The following PPP6R2 variants were observed in gnomAD, a reference collection of about 807,000 sequenced individuals.
PPP6R2 encodes serine/threonine-protein phosphatase 6 regulatory subunit 2.
A neutral mutation model predicts 100.2 loss-of-function variants in PPP6R2; 62 were observed. The observed-to-expected ratio is 0.62, with a 90% CI of 0.50 to 0.76. The LOEUF is 0.76. Among genes scored for constraint, PPP6R2 ranks in the 30% least tolerant of loss-of-function variants. The pLI is 0.00. For synonymous variants in PPP6R2, 525 were observed against 514.7 expected, an observed-to-expected ratio of 1.02 and a Z score of -0.27; for missense variants, 1,142 against 1,276.3, an observed-to-expected ratio of 0.89 and a Z score of 1.60.
chr22:50,435,156 A>C (rs2063952488), intron 13 of PPP6R2, 75 bp downstream of exon 13: 1 of 1,259,566 alleles, frequency 7.9e-7, no homozygotes, highest in Non-Finnish European at 1.1e-6. Context: ...CCTGAGACTA[A>C]GCTCTGCCCG....
At chr22:50,389,786 A>C (rs902400366) in intron 2 of PPP6R2, among the ~76,000 whole-genome samples, 1 of 151,456 alleles carries the variant, frequency 6.6e-6, no homozygotes, top group Non-Finnish European at 1.5e-5. Flanking sequence ...TGTGGTAGAG[A>C]TGGGGTTGGC....
chr22:50,421,371 C>T lies in PPP6R2; in HGVS notation c.846-883C>T, dbSNP rs566775037. Among the ~76,000 whole-genome samples the T allele has an allele frequency of 7.9e-5, 12 of 152,238 alleles. No homozygotes were observed. In the East Asian group the frequency reaches 2.1e-3, roughly 27 times the overall value. On this transcript the variant is annotated intron_variant, in intron 8 of 23. Transcript: ENST00000612753. ...TATTATTATTATTTTCAGACAGTGT[C>T]TTGCTCTGTCACCCACGTGGGAGTA...
In PPP6R2 at chr22:50,443,740, TGA is replaced by T. The variant is rs1002693122; in HGVS notation, c.2580-122_2580-121del. On this transcript the variant is annotated intron_variant, in intron 22 of 23. Transcript: ENST00000612753. Reference sequence around the variant, plus strand: ...TGGGCCACCCCACAAAGGGCAGGAGTGAGAGGGGCCAAAGATGGTGCTCCCAG... The same window carrying T: ...TGGGCCACCCCACAAAGGGCAGGAGTGAGGGGCCAAAGATGGTGCTCCCAG... The T allele has an allele frequency of 7.2e-5, 97 of 1,339,022 alleles. No homozygotes were observed. The African/African-American group carries it at 9.5e-4, about 13-fold the overall frequency. The allele number at this position is 1,339,022 out of a possible 1,614,324, so 82.9% of individuals were successfully genotyped here. A position where few individuals can be genotyped will look rare whatever the true frequency, so the allele number is the denominator to read the frequency against.
At chr22:50,367,193 C>G (rs527242418) in intron 1 of PPP6R2, among the ~76,000 whole-genome samples, 17 of 152,036 alleles carry the variant, frequency 1.1e-4, no homozygotes, top group Non-Finnish European at 2.4e-4. Context: ...GATGCCTGGA[C>G]AGGGGAGCGG....
rs199754017 is a variant in PPP6R2 at position 50,440,838 on chromosome 22, A to T, written c.2391A>T (p.Pro797=). 3 of 1,613,432 alleles carry T rather than the reference A, an allele frequency of 1.9e-6. No individual in the cohort carries two copies. Among genetic ancestry groups the T allele is most frequent in the Non-Finnish European group, 2.5e-6 (3 of 1,179,994 alleles). ...ACTTTGCAGTCAGCCCGGCTTCTCC[A>T]TGTGCCTGGAACGTGTGTGTCACCA... ...GPEKAFSPAS[P]CAWNVCVTRK... The change falls in exon 22 of 24, where the codon CCA becomes CCT. Residue 797 remains proline (P), a synonymous_variant. Coordinates refer to ENST00000612753, the MANE Select transcript of PPP6R2 (RefSeq NM_001242898.2).
intron 1 of PPP6R2, among the ~76,000 whole-genome samples, chr22:50,351,283 G>A (rs76220553): frequency 0.016 from 8 of 502 alleles, no homozygotes; most frequent in African/African-American, 0.026. Context: ...CAAGTGATCC[G>A]CCCGCCTTGG....
chr22:50,369,076 TA>T (rs1289995516), intron 1 of PPP6R2, among the ~76,000 whole-genome samples: 2 of 151,952 alleles, frequency 1.3e-5, no homozygotes, highest in Non-Finnish European at 2.9e-5. Flanking sequence ...CTGTCTCTAC[TA>T]AAAATACAAA....
chr22:50,424,886 C>T (rs773173088), intron 10 of PPP6R2, among the ~76,000 whole-genome samples: 35 of 152,092 alleles, frequency 2.3e-4, no homozygotes, highest in Admixed American at 4.6e-4. Context: ...GTGATCCACC[C>T]GCCTTGGCCT....
At chr22:50,436,546 G>T (rs1477790768) in intron 14 of PPP6R2, 94 bp downstream of exon 14, 31 of 1,269,908 alleles carry the variant, frequency 2.4e-5, no homozygotes, top group Non-Finnish European at 3.3e-5. Flanking sequence ...GGCCAAGGGA[G>T]GCACAAGGGC....
chr22:50,349,302 T>C (rs1322473728), intron 1 of PPP6R2, among the ~76,000 whole-genome samples: 3 of 141,638 alleles, frequency 2.1e-5, no homozygotes, highest in Middle Eastern at 3.8e-3. Flanking sequence ...AGGTCAAGGC[T>C]GCAGTGAGCT....
chr22:50,396,976 G>C (rs183500031), intron 3 of PPP6R2, among the ~76,000 whole-genome samples: 1 of 152,184 alleles, frequency 6.6e-6, no homozygotes, highest in Non-Finnish European at 1.5e-5. Context: ...GCCCAGTCTG[G>C]TGACAAATTA....
At chr22:50,412,394 C>G (rs1228565866) in intron 4 of PPP6R2, among the ~76,000 whole-genome samples, 1 of 151,638 alleles carries the variant, frequency 6.6e-6, no homozygotes, top group Admixed American at 6.6e-5. Context: ...GTTGGCCAGG[C>G]TGGCCTTGAA....
chr22:50,341,894 G>A (rs1342080738), upstream of PPP6R2, among the ~76,000 whole-genome samples: 2 of 152,144 alleles, frequency 1.3e-5, no homozygotes, highest in East Asian at 3.8e-4. Context: ...TCGGGAGGCT[G>A]AGGCAGGAGA....
the PPP6R2 span, among the ~76,000 whole-genome samples, chr22:50,333,936 CA>C: frequency 6.6e-5 from 10 of 152,208 alleles, no homozygotes; most frequent in African/African-American, 1.9e-4. Context: ...GTCCATGGGC[CA>C]GGGGGCCCTT....
chr22:50,365,419 C>G (rs2048558006), intron 1 of PPP6R2, among the ~76,000 whole-genome samples: 1 of 151,934 alleles, frequency 6.6e-6, no homozygotes, highest in Non-Finnish European at 1.5e-5. Context: ...TGGCTCACGC[C>G]TGTAATCCCA....
the PPP6R2 span, among the ~76,000 whole-genome samples, chr22:50,337,950 T>G: frequency 7.8e-6 from 1 of 127,998 alleles, no homozygotes; most frequent in Non-Finnish European, 1.7e-5. Flanking sequence ...GTGTGTGTGA[T>G]GTGTGTGGTG....
At position 50,430,873 on chromosome 22, in the gene PPP6R2, C is replaced by CA. The variant is rs375308909; in HGVS notation, c.1126-282dup. Reference sequence around the variant, plus strand: ...TGGGAGACAAAGCAAGACTCCGTCTCAAAAAAAAAAAAAAAAAAGAATAAA... The same window carrying CA: ...TGGGAGACAAAGCAAGACTCCGTCTCAAAAAAAAAAAAAAAAAAAGAATAAA... On this transcript the variant is annotated intron_variant, in intron 10 of 23. Coordinates refer to ENST00000612753, the MANE Select transcript of PPP6R2 (RefSeq NM_001242898.2). Among the ~76,000 whole-genome samples, 438 of 85,572 alleles carry CA rather than the reference C, an allele frequency of 5.1e-3. 7 individuals are homozygous for CA. The highest frequency in any genetic ancestry group is 0.022 in the South Asian group (55 of 2,476). 56.1% of individuals were successfully genotyped at this position (85,572 alleles called of 152,430 possible).
chr22:50,335,500 TTTTTGTTTTG>T, the PPP6R2 span, among the ~76,000 whole-genome samples: 13 of 149,472 alleles, frequency 8.7e-5, no homozygotes, highest in African/African-American at 1.7e-4. Flanking sequence ...TGGCCCTTGT[TTTTTGTTTTG>T]TTTTGTTTTG....
Position 50,355,229 on chromosome 22 carries a change from CT to C in PPP6R2, c.-148+11698del, listed in dbSNP as rs1221685126. On this transcript the variant is annotated intron_variant, in intron 1 of 23. Coordinates refer to ENST00000612753, the MANE Select transcript of PPP6R2 (RefSeq NM_001242898.2). The stretch of plus-strand genomic sequence containing the variant: ...ATATCCACATACAGCAAGCAGCCTT[CT>C]TTTTTTTTTTTTTTTTTTCTTTTTT... 6.1e-3 allele frequency among the ~76,000 whole-genome samples: 794 copies of C among 131,124 alleles called. 2 individuals are homozygous for C. Among genetic ancestry groups the C allele is most frequent in the Middle Eastern group, 0.024 (6 of 248 alleles). 86.0% of individuals were successfully genotyped at this position (131,124 alleles called of 152,430 possible).
Sources: gnomAD v4.1 joint callset for allele counts (sites outside exome capture counted in the v4.1 genomes callset) on GRCh38, gnomAD v4.1.1 for gene constraint, MANE v1.5 for transcripts, NCBI Gene and HGNC (gene_info 2026-07-23, HGNC 2026-07-21) for gene names.